COL4A4: variants seen among roughly 807,000 people sequenced by gnomAD.
The protein encoded by COL4A4 is collagen type IV alpha 4 chain.
COL4A4 carries 105 observed loss-of-function variants against 192.9 expected under a neutral mutation model. That is an observed-to-expected ratio of 0.54 (90% CI 0.46 to 0.64). COL4A4 has a LOEUF of 0.64. COL4A4 is among the 30% of genes least tolerant of loss of function. The pLI is 0.00. For missense variants in COL4A4, 1,967 were observed against 2,169.3 expected, an observed-to-expected ratio of 0.91 and a Z score of 1.85; for synonymous variants, 762 against 769.9, an observed-to-expected ratio of 0.99 and a Z score of 0.17.
At chr2:227,063,759 T>A (rs190054256) in intron 25 of COL4A4, among the ~76,000 whole-genome samples, 3 of 152,002 alleles carry the variant, frequency 2.0e-5, no homozygotes, top group Admixed American at 2.0e-4. Flanking sequence ...TACTAGTTTT[T>A]AAAAATTAAA....
In COL4A4 at chr2:227,091,922, GAAAGAAAAGAAAAGA is replaced by G. The variant is rs1553674153; in HGVS notation, c.1370-1980_1370-1966del. On this transcript the variant is annotated intron_variant, in intron 20 of 47. Coordinates refer to ENST00000396625, the MANE Select transcript of COL4A4 (RefSeq NM_000092.5). ...AAGAAAAAAGAAAGAAAGAAAGAAA[GAAAGAAAAGAAAAGA>G]AAAGAAAAGAAAAGACATGACATGA... Among the ~76,000 whole-genome samples the G allele has an allele frequency of 8.3e-5, 5 of 60,352 alleles. 1 individual carries two copies. The highest frequency in any genetic ancestry group is 6.8e-4 in the Admixed American group (3 of 4,444). The allele number at this position is 60,352 out of a possible 152,430, so 39.6% of individuals were successfully genotyped here.
chr2:226,986,462 A>G, the COL4A4 span, among the ~76,000 whole-genome samples: 2 of 152,218 alleles, frequency 1.3e-5, no homozygotes, highest in Non-Finnish European at 2.9e-5. Flanking sequence ...ATTCCAAAAT[A>G]AAAAGTTTAT....
the COL4A4 span, among the ~76,000 whole-genome samples, chr2:226,982,498 A>G: frequency 6.6e-6 from 1 of 152,250 alleles, no homozygotes; most frequent in Non-Finnish European, 1.5e-5. Context: ...GACAGCATTC[A>G]GCATCAATAG....
Position 227,089,932 on chromosome 2 carries a change from G to A in COL4A4, c.1395C>T (p.Pro465=), listed in dbSNP as rs771419084. The change falls in exon 21 of 48, where the codon CCC becomes CCT. Residue 465 remains proline, a synonymous_variant. Coordinates refer to ENST00000396625, the MANE Select transcript of COL4A4 (RefSeq NM_000092.5). ...SSVIYCSVGN[P]GPQGIKGKVG... is the part of the protein sequence containing the mutation. Reference sequence around the variant, plus strand: ...CTTTGCCTTTTATTCCTTGTGGTCCGGGGTTCCCAACACTACAGTATATCA... The same window carrying A: ...CTTTGCCTTTTATTCCTTGTGGTCCAGGGTTCCCAACACTACAGTATATCA... 2.0e-5 allele frequency: 32 copies of A among 1,613,320 alleles called. No homozygotes were observed. Among genetic ancestry groups the A allele is most frequent in the Middle Eastern group, 1.6e-4 (1 of 6,082 alleles).
chr2:227,070,987 A>G (rs933513702), intron 25 of COL4A4, among the ~76,000 whole-genome samples: 4 of 152,156 alleles, frequency 2.6e-5, no homozygotes, highest in Admixed American at 1.3e-4. Context: ...CACACGGCCT[A>G]TAATACAATA....
At chr2:227,108,997 T>C in intron 10 of COL4A4, 129 bp from the exon 11 acceptor site, 2 of 1,009,758 alleles carry the variant, frequency 2.0e-6, no homozygotes, top group East Asian at 2.4e-5. Context: ...GTGATGGAGT[T>C]TCTATCATGG....
chr2:227,103,144 C>T lies in COL4A4; in HGVS notation c.870G>A (p.Lys290=), dbSNP rs2060620860. ...MVGLPGPPGR[K]GESGIGAKGE... ...AAAAAAAGGTACTTAAATAAACTAC[C>T]TTGCGTCCTGGTGGTCCTGGCAGTC... The change falls in exon 14 of 48, where the codon AAG becomes AAA. Residue 290 remains lysine, a splice_region_variant and synonymous_variant. Coordinates refer to ENST00000396625, the MANE Select transcript of COL4A4 (RefSeq NM_000092.5). 1 of 1,609,554 alleles carries T rather than the reference C, an allele frequency of 6.2e-7. No homozygotes were observed. The highest frequency in any genetic ancestry group is 1.1e-5 in the South Asian group (1 of 89,334).
intron 22 of COL4A4, 127 bp downstream of exon 22, chr2:227,088,526 T>A: frequency 8.0e-7 from 1 of 1,254,332 alleles, no homozygotes; most frequent in Non-Finnish European, 1.2e-6. Context: ...CATACAGAAC[T>A]GCGAGTCAAT....
intron 17 of COL4A4, among the ~76,000 whole-genome samples, chr2:227,100,662 A>C (rs1018324260): frequency 1.3e-5 from 2 of 152,152 alleles, no homozygotes; most frequent in African/African-American, 4.8e-5. Context: ...AATCTCCCAC[A>C]GATAACAAGG....
At chr2:227,145,459 C>T (rs535648322) in intron 2 of COL4A4, among the ~76,000 whole-genome samples, 6 of 152,204 alleles carry the variant, frequency 3.9e-5, no homozygotes, top group African/African-American at 1.4e-4. Context: ...AACAACAAAA[C>T]AAAACACCCA....
At chr2:227,047,131 G>A (rs926648569) in intron 35 of COL4A4, among the ~76,000 whole-genome samples, 3 of 151,976 alleles carry the variant, frequency 2.0e-5, no homozygotes, top group Admixed American at 2.0e-4. Flanking sequence ...CATTTTAAAT[G>A]ATAGAGGGTG....
Position 227,012,226 on chromosome 2 carries a change from C to G in COL4A4, c.4288G>C (p.Gly1430Arg). ...TCTTCTCCTGTGTCACCTTTACGTC[C>G]GGGAGGCCCAGGAGACCCAGGGACG... ...DGVPGSPGPPGRKGDTGEDGY... is the reference protein window; with the variant it reads ...DGVPGSPGPPRRKGDTGEDGY... Residue 1430 changes from glycine (G) to arginine (R), a missense_variant, in exon 45 of 48, where the codon GGA (glycine) becomes CGA (arginine). Physicochemically the swap from Gly to Arg is moderately radical, Grantham distance 125. Coordinates refer to ENST00000396625, the MANE Select transcript of COL4A4 (RefSeq NM_000092.5). 1 of 1,614,096 alleles carries G rather than the reference C, an allele frequency of 6.2e-7. No individual in the cohort carries two copies. Among genetic ancestry groups the G allele is most frequent in the Non-Finnish European group, 8.5e-7 (1 of 1,180,012 alleles).
chr2:227,111,771 A>G (rs1436153525), intron 8 of COL4A4, 58 bp from the exon 9 acceptor site: 2 of 1,547,890 alleles, frequency 1.3e-6, no homozygotes, highest in Non-Finnish European at 1.8e-6. Context: ...AACAGAGATT[A>G]TGTAAAAATA....
intron 2 of COL4A4, among the ~76,000 whole-genome samples, 153 bp from the exon 3 acceptor site, chr2:227,144,711 G>C (rs2063432889): frequency 6.6e-6 from 1 of 152,200 alleles, no homozygotes; most frequent in Non-Finnish European, 1.5e-5. Flanking sequence ...CAAGATCCAT[G>C]CTTTCCTCTC....
At chr2:227,101,448 T>C in intron 17 of COL4A4, 56 bp downstream of exon 17, 1 of 1,296,010 alleles carries the variant, frequency 7.7e-7, no homozygotes, top group Non-Finnish European at 1.1e-6. Context: ...ATAAATTAGA[T>C]AATATTAAGG....
At chr2:227,018,155 C>A (rs1445123784) in intron 44 of COL4A4, among the ~76,000 whole-genome samples, 1 of 152,154 alleles carries the variant, frequency 6.6e-6, no homozygotes, top group Non-Finnish European at 1.5e-5. Context: ...CCACCTCTTG[C>A]TGGGGTCCTA....
Position 227,109,258 on chromosome 2 carries a change from C to T in COL4A4, c.623G>A (p.Gly208Asp). 6.2e-7 allele frequency: 1 copy of T among 1,614,122 alleles called. No homozygotes were observed. Among genetic ancestry groups the T allele is most frequent in the Non-Finnish European group, 8.5e-7 (1 of 1,179,986 alleles). The change falls in exon 10 of 48, where the codon GGT becomes GAT. Residue 208 changes from glycine to aspartate, a missense_variant. By Grantham distance (94) the Gly-to-Asp change is moderately conservative. Transcript: ENST00000396625. ...PGSWGAGGPA[G>D]PTGYPGEPGL... ...TGGCTCTCCAGGATATCCTGTGGGA[C>T]CTGCCGGTCCTCCTGCACCCCAAGA...
At chr2:227,091,427 A>T (rs989622166) in intron 20 of COL4A4, among the ~76,000 whole-genome samples, 50 of 151,742 alleles carry the variant, frequency 3.3e-4, no homozygotes, top group African/African-American at 1.1e-3. Flanking sequence ...AAGGTTAAAA[A>T]AAAAAAAAAA....
intron 47 of COL4A4, 61 bp downstream of exon 47, chr2:227,007,957 G>A: frequency 6.4e-7 from 1 of 1,573,046 alleles, no homozygotes; most frequent in Non-Finnish European, 8.6e-7. Context: ...AGAGAGAAAT[G>A]GCGGGAGAAG....
Sources: allele counts gnomAD v4.1 joint callset (sites outside exome capture counted in the v4.1 genomes callset), GRCh38; gene constraint gnomAD v4.1.1; transcripts MANE v1.5; gene names NCBI Gene and HGNC (gene_info 2026-07-23, HGNC 2026-07-21).